RNF216: variants seen among roughly 807,000 people sequenced by gnomAD.
RNF216 encodes ring finger protein 216.
In RNF216, 72 loss-of-function variants were observed where a neutral mutation model predicts 110.8. The ratio of observed to expected loss-of-function variants is 0.65; its 90% CI spans 0.54 to 0.79. The LOEUF (loss-of-function observed/expected upper bound fraction) is 0.79, where lower values mean the gene tolerates loss of function less well. RNF216 is among the 30% of genes least tolerant of loss of function. The pLI is 0.00. For synonymous variants in RNF216, 495 were observed against 407.5 expected (o/e 1.21, Z -2.59); for missense variants, 1,342 against 1,141.2 (o/e 1.18, Z -2.54).
intron 14 of RNF216, among the ~76,000 whole-genome samples, chr7:5,644,833 T>C (rs1025427186): frequency 2.0e-5 from 3 of 150,584 alleles, no homozygotes; most frequent in Non-Finnish European, 4.4e-5. Context: ...TTTTCTTTTT[T>C]TTTTTTTTTG....
Position 5,622,994 on chromosome 7 carries a change from T to G in RNF216, c.2638A>C (p.Met880Leu). Residue 880 changes from methionine to leucine, a missense_variant, in exon 17 of 17, where the codon ATG becomes CTG. Physicochemically the swap from Met to Leu is conservative, Grantham distance 15. Coordinates refer to ENST00000389902, the MANE Select transcript of RNF216 (RefSeq NM_207111.4). ...RPVFNNFPLN[M>L]GPIPAPYVPP... ...ACGTACGGGGCTGGGATAGGCCCCA[T>G]GTTGAGTGGGAAGTTGTTGAACACA... The G allele has an allele frequency of 6.2e-7, 1 of 1,613,910 alleles. No homozygotes were observed.
intron 13 of RNF216, among the ~76,000 whole-genome samples, chr7:5,674,999 A>AAAAC (rs769893553): frequency 3.3e-5 from 5 of 152,122 alleles, no homozygotes; most frequent in African/African-American, 4.8e-5. Flanking sequence ...TCTGTCTCAA[A>AAAAC]AAACAAACAA....
intron 13 of RNF216, among the ~76,000 whole-genome samples, chr7:5,654,171 G>C (rs1788583898): frequency 6.6e-6 from 1 of 152,218 alleles, no homozygotes; most frequent in Non-Finnish European, 1.5e-5. Context: ...AAGGGTGGTG[G>C]GCAAGGACAG....
At chr7:5,727,762 A>G (rs1012859879) in intron 7 of RNF216, among the ~76,000 whole-genome samples, 1 of 151,864 alleles carries the variant, frequency 6.6e-6, no homozygotes, top group Non-Finnish European at 1.5e-5. Context: ...GATGATAATA[A>G]TACAGACTGC....
At chr7:5,707,934 C>T (rs1792407152) in intron 13 of RNF216, among the ~76,000 whole-genome samples, 1 of 152,118 alleles carries the variant, frequency 6.6e-6, no homozygotes, top group Admixed American at 6.6e-5. Flanking sequence ...GCCATGTTGG[C>T]CAGGCTGGTC....
At chr7:5,727,331 T>C (rs1325300702) in intron 7 of RNF216, among the ~76,000 whole-genome samples, 3 of 152,242 alleles carry the variant, frequency 2.0e-5, no homozygotes, top group African/African-American at 7.2e-5. Flanking sequence ...TGTCTCTAAT[T>C]TGGCATCTAT....
intron 13 of RNF216, among the ~76,000 whole-genome samples, chr7:5,664,642 C>G (rs961037015): frequency 4.6e-5 from 7 of 152,302 alleles, no homozygotes; most frequent in East Asian, 1.9e-4. Context: ...CCCAGCCTGG[C>G]TCTCCCCAAC....
At position 5,640,260 on chromosome 7, in the gene RNF216, T is replaced by G. The variant is rs1787656180; in HGVS notation, c.2382+894A>C. Among the ~76,000 whole-genome samples the G allele has an allele frequency of 3.9e-5, 6 of 152,244 alleles. 1 individual carries two copies. The South Asian group carries it at 1.2e-3, about 32-fold the overall frequency. The stretch of plus-strand genomic sequence containing the variant: ...TATGATGTCATTTGCCAGTGAGAAT[T>G]TATTATTTTTTAGTCTGGCCTTGAT... On this transcript the variant is annotated intron_variant, in intron 15 of 16. Transcript: ENST00000389902.
intron 13 of RNF216, among the ~76,000 whole-genome samples, chr7:5,691,107 C>T (rs999017664): frequency 9.2e-5 from 14 of 152,132 alleles, no homozygotes; most frequent in Admixed American, 3.9e-4. Context: ...TTTTAAGTTC[C>T]GACAGAAGCA....
chr7:5,683,923 C>T (rs995079505), intron 13 of RNF216, among the ~76,000 whole-genome samples: 1 of 151,950 alleles, frequency 6.6e-6, no homozygotes, highest in African/African-American at 2.4e-5. Context: ...TAGGGACGGG[C>T]ATCACTTGTG....
At chr7:5,688,246 G>A (rs566319382) in intron 13 of RNF216, among the ~76,000 whole-genome samples, 1 of 152,290 alleles carries the variant, frequency 6.6e-6, no homozygotes, top group Non-Finnish European at 1.5e-5. Flanking sequence ...AGAGTAGAAA[G>A]CTGTTAAAAT....
chr7:5,698,827 C>G (rs1478163647), intron 13 of RNF216, among the ~76,000 whole-genome samples: 7 of 152,174 alleles, frequency 4.6e-5, no homozygotes, highest in Non-Finnish European at 1.0e-4. Flanking sequence ...GGATGAAGAG[C>G]TCTTTAACCT....
At chr7:5,780,596 C>G (rs1190304198) in intron 1 of RNF216, among the ~76,000 whole-genome samples, 1 of 151,780 alleles carries the variant, frequency 6.6e-6, no homozygotes, top group Non-Finnish European at 1.5e-5. Flanking sequence ...GAGGCAATCC[C>G]TGTGAGGCTG....
chr7:5,660,847 G>A (rs1057177752), intron 13 of RNF216, among the ~76,000 whole-genome samples: 4 of 151,144 alleles, frequency 2.6e-5, no homozygotes, highest in Non-Finnish European at 5.9e-5. Context: ...TGGGATTACT[G>A]ATGTGAGCCA....
At chr7:5,627,542 T>G (rs187466601) in intron 15 of RNF216, among the ~76,000 whole-genome samples, 5 of 152,010 alleles carry the variant, frequency 3.3e-5, no homozygotes, top group Non-Finnish European at 5.9e-5. Flanking sequence ...GGTCAGGAGA[T>G]AGAGATCATC....
intron 14 of RNF216, among the ~76,000 whole-genome samples, chr7:5,651,290 G>A (rs941657373): frequency 2.0e-5 from 3 of 151,614 alleles, no homozygotes; most frequent in African/African-American, 4.8e-5. Context: ...GTAGTGGTGC[G>A]ATTTTGGCTC....
At chr7:5,695,475 T>A (rs1047036931) in intron 13 of RNF216, among the ~76,000 whole-genome samples, 1 of 152,212 alleles carries the variant, frequency 6.6e-6, no homozygotes, top group African/African-American at 2.4e-5. Flanking sequence ...GCAAGGCTGT[T>A]AGGCACGGGG....
intron 2 of RNF216, among the ~76,000 whole-genome samples, chr7:5,757,121 T>C (rs1037046308): frequency 1.3e-5 from 2 of 152,252 alleles, no homozygotes; most frequent in African/African-American, 2.4e-5. Context: ...ATTACATTTG[T>C]TGACCATGTT....
At chr7:5,758,864 G>A (rs1007676164) in intron 2 of RNF216, among the ~76,000 whole-genome samples, 2 of 152,100 alleles carry the variant, frequency 1.3e-5, no homozygotes, top group African/African-American at 4.8e-5. Flanking sequence ...GGGACTGTTG[G>A]GAAGACGCAA....
Sources: gnomAD v4.1 joint callset for allele counts (sites outside exome capture counted in the v4.1 genomes callset) on GRCh38, gnomAD v4.1.1 for gene constraint, MANE v1.5 for transcripts, NCBI Gene and HGNC (gene_info 2026-07-23, HGNC 2026-07-21) for gene names.